The following NRXN3 variants were observed in gnomAD, a reference collection of about 807,000 sequenced individuals.
NRXN3 encodes neurexin III.
Under a neutral mutation model 137.6 loss-of-function variants are expected in NRXN3, and 32 were observed. The ratio of observed to expected loss-of-function variants is 0.23; its 90% CI spans 0.18 to 0.31. The LOEUF is 0.31. NRXN3 is among the 10% of genes least tolerant of loss of function. The pLI, the probability that NRXN3 is intolerant of heterozygous loss-of-function variation, is 1.00. For synonymous variants in NRXN3, 798 were observed against 784.5 expected, an observed-to-expected ratio of 1.02 and a Z score of -0.29; for missense variants, 1,574 against 2,062.5, an observed-to-expected ratio of 0.76 and a Z score of 4.59.
In NRXN3 at chr14:79,385,887, G is replaced by A. The variant is rs151241296; in HGVS notation, c.3263-81334G>A. Among the ~76,000 whole-genome samples the A allele has an allele frequency of 4.2e-3, 642 of 152,118 alleles. 1 individual carries two copies. The highest frequency in any genetic ancestry group is 6.6e-3 in the Admixed American group (101 of 15,262). The stretch of plus-strand genomic sequence containing the variant: ...TTATCTCAATAGATGCAGAAAAGGC[G>A]TTTGACAAAATTCAACAGCCCTTCA... On this transcript the variant is annotated intron_variant, in intron 15 of 20. Transcript: ENST00000335750.
chr14:79,395,962 T>C (rs1208120823), intron 15 of NRXN3, among the ~76,000 whole-genome samples: 1 of 152,190 alleles, frequency 6.6e-6, no homozygotes, highest in Non-Finnish European at 1.5e-5. Context: ...TCTTAAAGAA[T>C]TGTATTCATT....
rs1187998040 is a variant in NRXN3, at chr14:79,665,184, GA to G, written c.3616+1236del. 5.3e-5 allele frequency among the ~76,000 whole-genome samples: 8 copies of G among 152,082 alleles called. No homozygotes were observed. In the East Asian group the frequency reaches 1.5e-3, roughly 29 times the overall value. The stretch of plus-strand genomic sequence containing the variant: ...CTGTTGGGTTGTTCCCTAACTGCTA[GA>G]GTCCCGCTATATCTGTTTAAGAATT... On this transcript the variant is annotated intron_variant, in intron 17 of 20. Transcript: ENST00000335750.
Position 78,943,615 on chromosome 14 carries a change from AAAAAAAAT to A in NRXN3, c.2276-13625_2276-13618del, listed in dbSNP as rs1567776349. Reference sequence around the variant, plus strand: ...AAAAGAAGCAAGATCACTGTTAAAAAAAAAAAATATATATATATATATATATATATATA... The same window carrying A: ...AAAAGAAGCAAGATCACTGTTAAAAAATATATATATATATATATATATATA... On this transcript the variant is annotated intron_variant, in intron 10 of 20. Coordinates refer to ENST00000335750, the MANE Select transcript of NRXN3 (RefSeq NM_001330195.2). Among the ~76,000 whole-genome samples the A allele has an allele frequency of 3.3e-4, 14 of 42,486 alleles. 1 individual carries two copies. The highest frequency in any genetic ancestry group is 1.2e-3 in the South Asian group (1 of 818). 27.9% of individuals were successfully genotyped at this position (42,486 alleles called of 152,430 possible).
chr14:78,415,415 A>C (rs970603878), intron 4 of NRXN3, among the ~76,000 whole-genome samples: 1 of 152,156 alleles, frequency 6.6e-6, no homozygotes, highest in Non-Finnish European at 1.5e-5. Context: ...GTTATTTCCC[A>C]TGAGTTGAGG....
At chr14:79,539,939 A>G (rs1436441740) in intron 16 of NRXN3, among the ~76,000 whole-genome samples, 1 of 151,940 alleles carries the variant, frequency 6.6e-6, no homozygotes, top group Admixed American at 6.6e-5. Flanking sequence ...TTTTCTAGGG[A>G]CTTTTCTTCT....
intron 15 of NRXN3, among the ~76,000 whole-genome samples, chr14:79,446,264 T>G (rs2096062484): frequency 6.6e-6 from 1 of 152,248 alleles, no homozygotes; most frequent in Non-Finnish European, 1.5e-5. Context: ...TCAGCCCTGA[T>G]GGTCAAGAAA....
chr14:79,074,228 G>A (rs988508199), intron 15 of NRXN3, among the ~76,000 whole-genome samples: 1 of 152,098 alleles, frequency 6.6e-6, no homozygotes, highest in Non-Finnish European at 1.5e-5. Context: ...TGTCTTTGGA[G>A]CTTCCTTCTC....
chr14:79,865,589 ATG>A lies in NRXN3; in HGVS notation c.*3627_*3628del, dbSNP rs1257573689. ...AAGTCAGGTTCAGTGATGTCAAATT[ATG>A]TAAAGTTTTTTTTTTGTTCCTGTCT... On this transcript the variant is annotated 3_prime_UTR_variant, in exon 21 of 21. Transcript: ENST00000335750. 6.6e-6 allele frequency: 1 copy of A among 152,044 alleles called. No individual in the cohort carries two copies. Among genetic ancestry groups the A allele is most frequent in the African/African-American group, 2.4e-5 (1 of 41,372 alleles). The allele number at this position is 152,044 out of a possible 1,614,324, so 9.4% of individuals were successfully genotyped here.
intron 10 of NRXN3, among the ~76,000 whole-genome samples, chr14:78,931,433 T>C (rs1265759334): frequency 6.6e-6 from 1 of 152,250 alleles, no homozygotes; most frequent in East Asian, 1.9e-4. Flanking sequence ...ATAATTTCCA[T>C]GCGATAATGA....
At chr14:78,608,486 G>A (rs1447477889) in intron 4 of NRXN3, among the ~76,000 whole-genome samples, 4 of 152,152 alleles carry the variant, frequency 2.6e-5, no homozygotes, top group Admixed American at 6.5e-5. Flanking sequence ...ACATATTTGT[G>A]TATATGCTGC....
chr14:79,428,804 A>G (rs1221772807), intron 15 of NRXN3, among the ~76,000 whole-genome samples: 1 of 152,190 alleles, frequency 6.6e-6, no homozygotes, highest in East Asian at 1.9e-4. Context: ...CTTAGTTCTG[A>G]GTTTGAAGCA....
chr14:78,217,087 G>C (rs1285216997), intron 1 of NRXN3, among the ~76,000 whole-genome samples: 1 of 152,086 alleles, frequency 6.6e-6, no homozygotes, highest in African/African-American at 2.4e-5. Flanking sequence ...GTCTTTCTCA[G>C]CCCACAACAC....
At chr14:78,173,123 A>G (rs1043708662) in intron 1 of NRXN3, among the ~76,000 whole-genome samples, 5 of 151,930 alleles carry the variant, frequency 3.3e-5, no homozygotes. Flanking sequence ...GGATGAGAGA[A>G]TGGTGGGAGA....
At chr14:78,766,060 G>C (rs2152986987) in intron 8 of NRXN3, among the ~76,000 whole-genome samples, 1 of 152,218 alleles carries the variant, frequency 6.6e-6, no homozygotes. Flanking sequence ...GGTTTCAGTT[G>C]GTGCCAGAGA....
intron 4 of NRXN3, among the ~76,000 whole-genome samples, chr14:78,635,414 A>G (rs1302266619): frequency 2.6e-5 from 4 of 152,210 alleles, no homozygotes; most frequent in African/African-American, 7.2e-5. Flanking sequence ...GAATATAGTG[A>G]GTATCTAATT....
chr14:79,191,126 G>A (rs2064245732), intron 15 of NRXN3, among the ~76,000 whole-genome samples: 1 of 152,164 alleles, frequency 6.6e-6, no homozygotes, highest in South Asian at 2.1e-4. Context: ...CAGCAGGACT[G>A]GAGTTCTAAA....
chr14:79,054,700 G>A (rs1223968336), intron 15 of NRXN3, among the ~76,000 whole-genome samples: 1 of 152,116 alleles, frequency 6.6e-6, no homozygotes, highest in African/African-American at 2.4e-5. Flanking sequence ...CTTGGATATA[G>A]AGCCAATGCC....
chr14:78,410,104 C>A (rs2153663686), intron 4 of NRXN3, among the ~76,000 whole-genome samples: 1 of 152,322 alleles, frequency 6.6e-6, no homozygotes, highest in South Asian at 2.1e-4. Context: ...GAGTCCTGGG[C>A]TTTTCTATCG....
intron 15 of NRXN3, among the ~76,000 whole-genome samples, chr14:79,199,522 A>C (rs550654365): frequency 6.6e-6 from 1 of 152,366 alleles, no homozygotes; most frequent in African/African-American, 2.4e-5. Context: ...CAGAGTTCAC[A>C]CTTTCAAATT....
Sources: gnomAD v4.1 joint callset for allele counts (sites outside exome capture counted in the v4.1 genomes callset) on GRCh38, gnomAD v4.1.1 for gene constraint, MANE v1.5 for transcripts, NCBI Gene and HGNC (gene_info 2026-07-23, HGNC 2026-07-21) for gene names.